FHIP1A: variants seen among roughly 807,000 people sequenced by gnomAD.
The protein encoded by FHIP1A is FHF complex subunit HOOK interacting protein 1A.
A neutral mutation model predicts 88.6 loss-of-function variants in FHIP1A; 61 were observed. That is an observed-to-expected ratio of 0.69 (90% CI 0.56 to 0.85). The LOEUF (loss-of-function observed/expected upper bound fraction) is 0.85, where lower values mean the gene tolerates loss of function less well. Among genes scored for constraint, FHIP1A ranks in the 40% least tolerant of loss-of-function variants. The probability of loss-of-function intolerance (pLI) is 0.00; values close to 1 mark genes in which losing one functional copy is unlikely to be tolerated. For missense variants in FHIP1A, 1,154 were observed against 1,273.5 expected (o/e 0.91, Z 1.43); for synonymous variants, 478 against 496.0 (o/e 0.96, Z 0.48).
intron 3 of FHIP1A, among the ~76,000 whole-genome samples, chr4:151,538,179 C>T (rs1732141974): frequency 6.6e-6 from 1 of 152,062 alleles, no homozygotes; most frequent in African/African-American, 2.4e-5. Flanking sequence ...AACCTCATGG[C>T]CTGGTTTTTC....
intron 7 of FHIP1A, among the ~76,000 whole-genome samples, chr4:151,624,590 A>G (rs184619523): frequency 2.6e-5 from 4 of 152,300 alleles, no homozygotes; most frequent in Admixed American, 2.6e-4. Context: ...ATGCTGGGAG[A>G]AAAAGGGCAG....
chr4:151,653,532 TTCCTAGGGTTGTTTTGAA>T (rs1230987176), intron 11 of FHIP1A, among the ~76,000 whole-genome samples: 1 of 152,144 alleles, frequency 6.6e-6, no homozygotes, highest in Non-Finnish European at 1.5e-5. Context: ...ATAAATATAC[TTCCTAGGGTTGTTTTGAA>T]TCTTGAGTGA....
At chr4:151,616,444 C>CTTTTTT (rs763599410) in intron 7 of FHIP1A, among the ~76,000 whole-genome samples, 26 of 113,384 alleles carry the variant, frequency 2.3e-4, no homozygotes, top group African/African-American at 3.0e-4. Flanking sequence ...TTCTTTCTTT[C>CTTTTTT]TTTTTTTTTT....
At position 151,596,767 on chromosome 4, in the gene FHIP1A, T is replaced by G. The variant is rs181896069; in HGVS notation, c.978+7841T>G. 1.7e-3 allele frequency among the ~76,000 whole-genome samples: 264 copies of G among 152,284 alleles called. 2 individuals carry two copies. Among genetic ancestry groups the G allele is most frequent in the African/African-American group, 5.3e-3 (222 of 41,548 alleles). On this transcript the variant is annotated intron_variant, in intron 7 of 13. Transcript: ENST00000435205. ...AATCTTGTCTTCATGCTTTATTTCA[T>G]TAAGTTGATCTTCAATCTCTGATAT...
intron 7 of FHIP1A, among the ~76,000 whole-genome samples, chr4:151,613,746 G>A (rs999222417): frequency 6.6e-6 from 1 of 152,154 alleles, no homozygotes; most frequent in African/African-American, 2.4e-5. Context: ...CCTGGCACTA[G>A]ACCTGGAGAT....
At chr4:151,580,028 C>A (rs1733961652) in intron 5 of FHIP1A, among the ~76,000 whole-genome samples, 1 of 152,178 alleles carries the variant, frequency 6.6e-6, no homozygotes. Flanking sequence ...GAACATTATA[C>A]AATAATTCCT....
At chr4:151,609,510 A>G (rs1289831031) in intron 7 of FHIP1A, among the ~76,000 whole-genome samples, 1 of 152,206 alleles carries the variant, frequency 6.6e-6, no homozygotes, top group Non-Finnish European at 1.5e-5. Context: ...AGAAATGACA[A>G]ATGTTTATGG....
intron 10 of FHIP1A, among the ~76,000 whole-genome samples, chr4:151,648,678 T>C (rs1736883916): frequency 6.6e-6 from 1 of 151,620 alleles, no homozygotes; most frequent in Non-Finnish European, 1.5e-5. Flanking sequence ...ATATCTACCA[T>C]ATAGGATCAT....
chr4:151,409,207 G>T lies in FHIP1A; in HGVS notation c.-614G>T, dbSNP rs1028510545. 2.6e-5 allele frequency: 4 copies of T among 151,238 alleles called. No individual in the cohort carries two copies. The highest frequency in any genetic ancestry group is 5.9e-5 in the Non-Finnish European group (4 of 67,838). The allele number at this position is 151,238 out of a possible 1,614,324, so 9.4% of individuals were successfully genotyped here. A position where few individuals can be genotyped will look rare whatever the true frequency, so the allele number is the denominator to read the frequency against. ...CCACGCGCCTCAGCCCGCGGCTGAC[G>T]CACCTTCGAAAAGTTGCGCTCCGAC... On this transcript the variant is annotated 5_prime_UTR_variant, in exon 1 of 14. Coordinates refer to ENST00000435205, the MANE Select transcript of FHIP1A (RefSeq NM_001109977.3).
chr4:151,588,699 C>T (rs989567413), intron 6 of FHIP1A, 141 bp from the exon 7 acceptor site: 2 of 698,406 alleles, frequency 2.9e-6, no homozygotes, highest in African/African-American at 3.6e-5. Context: ...AGTATGAGGT[C>T]TGATTTGTTC....
intron 2 of FHIP1A, among the ~76,000 whole-genome samples, chr4:151,470,814 C>T (rs1472797791): frequency 6.6e-6 from 1 of 152,074 alleles, no homozygotes; most frequent in Non-Finnish European, 1.5e-5. Flanking sequence ...ACTGGGTAAT[C>T]AATAATAATA....
chr4:151,668,413 G>A lies in FHIP1A; in HGVS notation c.*5659G>A, dbSNP rs1737742044. On this transcript the variant is annotated 3_prime_UTR_variant, in exon 14 of 14. Coordinates refer to ENST00000435205, the MANE Select transcript of FHIP1A (RefSeq NM_001109977.3). ...GAGGGTGTGTACTTTCCGAAACTTC[G>A]AGGCCATCTTAGTAATTATTTTAGC... Among the ~76,000 whole-genome samples, 2 of 152,136 alleles carry A rather than the reference G, an allele frequency of 1.3e-5. No individual in the cohort carries two copies. Among genetic ancestry groups the A allele is most frequent in the Admixed American group, 6.5e-5 (1 of 15,272 alleles).
intron 3 of FHIP1A, among the ~76,000 whole-genome samples, chr4:151,496,409 A>G (rs932085889): frequency 1.3e-5 from 2 of 152,040 alleles, no homozygotes; most frequent in African/African-American, 2.4e-5. Context: ...TGATATGAAT[A>G]TATATTTGTT....
intron 3 of FHIP1A, among the ~76,000 whole-genome samples, chr4:151,513,447 T>G (rs903204306): frequency 1.3e-5 from 2 of 152,130 alleles, no homozygotes; most frequent in African/African-American, 2.4e-5. Flanking sequence ...AATTCACATA[T>G]AACTATATTA....
rs868294521 is a variant in FHIP1A, at chr4:151,517,987, A to G, written c.-123+35339A>G. On this transcript the variant is annotated intron_variant, in intron 3 of 13. Coordinates refer to ENST00000435205, the MANE Select transcript of FHIP1A (RefSeq NM_001109977.3). ...TAAGCTAAGGTTAATTTATTATTGA[A>G]GAAAGAAAATATTTTAAGAATAAAT... is the stretch of plus-strand genomic sequence containing the variant. 3.3e-5 allele frequency among the ~76,000 whole-genome samples: 5 copies of G among 152,222 alleles called. No homozygotes were observed. In the Middle Eastern group the frequency reaches 9.5e-3, roughly 289 times the overall value.
rs186962326 is a variant in FHIP1A at position 151,422,039 on chromosome 4, C to T, written c.-356+12574C>T. Among the ~76,000 whole-genome samples, 112 of 151,986 alleles carry T rather than the reference C, an allele frequency of 7.4e-4. 2 individuals are homozygous for T. The highest frequency in any genetic ancestry group is 7.2e-4 in the Admixed American group (11 of 15,232). ...CAGGCCTATTTTTTCCTTGGCTGCACTGTTGTCAAATTATATATGAGGGGT... is the reference window on the plus strand; with the variant it reads ...CAGGCCTATTTTTTCCTTGGCTGCATTGTTGTCAAATTATATATGAGGGGT... On this transcript the variant is annotated intron_variant, in intron 1 of 13. Transcript: ENST00000435205.
intron 3 of FHIP1A, among the ~76,000 whole-genome samples, chr4:151,525,626 T>C (rs935072326): frequency 1.3e-5 from 2 of 152,260 alleles, no homozygotes; most frequent in African/African-American, 2.4e-5. Context: ...TGAAATTTCA[T>C]TGTGGCATAA....
intron 3 of FHIP1A, among the ~76,000 whole-genome samples, chr4:151,516,858 T>C (rs950975773): frequency 1.3e-5 from 2 of 151,804 alleles, no homozygotes; most frequent in African/African-American, 4.8e-5. Flanking sequence ...TTGGTGGGAC[T>C]GTAAACTAGT....
At chr4:151,514,731 A>G (rs1234721179) in intron 3 of FHIP1A, among the ~76,000 whole-genome samples, 2 of 151,974 alleles carry the variant, frequency 1.3e-5, no homozygotes, top group Non-Finnish European at 2.9e-5. Context: ...CTCGACACAT[A>G]CATCCTCCGA....
Sources: allele counts gnomAD v4.1 joint callset (sites outside exome capture counted in the v4.1 genomes callset), GRCh38; gene constraint gnomAD v4.1.1; transcripts MANE v1.5; gene names NCBI Gene and HGNC (gene_info 2026-07-23, HGNC 2026-07-21).